Variants in DMD observed in about 807,000 individuals in gnomAD.
DMD encodes dystrophin.
DMD carries 63 observed loss-of-function variants against 330.1 expected under a neutral mutation model. The ratio of observed to expected loss-of-function variants is 0.19; its 90% CI spans 0.16 to 0.24. DMD has a LOEUF of 0.24. DMD is among the 10% of genes least tolerant of loss of function. The probability of loss-of-function intolerance (pLI) is 1.00; values close to 1 mark genes in which losing one functional copy is unlikely to be tolerated. For missense variants in DMD, 3,344 were observed against 2,684.1 expected (o/e 1.25, Z -5.43); for synonymous variants, 1,223 against 959.8 (o/e 1.27, Z -5.07).
chrX:32,811,308 C>T (rs770656657), intron 6 of DMD, among the ~76,000 whole-genome samples: 1 of 110,912 alleles, frequency 9.0e-6, no homozygotes, highest in African/African-American at 3.3e-5. Context: ...CACTGCACTC[C>T]AGCCTGGGTG....
At chrX:32,091,199 T>G (rs2096472070) in intron 44 of DMD, among the ~76,000 whole-genome samples, 1 of 112,046 alleles carries the variant, frequency 8.9e-6, no homozygotes, top group South Asian at 3.7e-4. Flanking sequence ...GAAAAGCTGA[T>G]TTTCTTCGAT....
chrX:31,172,704 A>C (rs2040118034), intron 72 of DMD, among the ~76,000 whole-genome samples: 1 of 111,817 alleles, frequency 8.9e-6, no homozygotes, highest in Non-Finnish European at 1.9e-5. Context: ...TGTTTTCAGA[A>C]GAAAAGCTTC....
At chrX:32,249,961 T>A (rs1281913492) in intron 43 of DMD, among the ~76,000 whole-genome samples, 1 of 106,898 alleles carries the variant, frequency 9.4e-6, no homozygotes, top group Admixed American at 1.0e-4. Flanking sequence ...CATTTTCTGA[T>A]TAAAACTATT....
At chrX:33,295,115 CT>C (rs1039224485) in intron 1 of DMD, among the ~76,000 whole-genome samples, 3 of 111,169 alleles carry the variant, frequency 2.7e-5, no homozygotes, top group South Asian at 7.5e-4. Flanking sequence ...AAACATAGCC[CT>C]TGTTAAAATT....
intron 1 of DMD, among the ~76,000 whole-genome samples, chrX:33,123,002 G>A (rs528557136): frequency 1.6e-3 from 185 of 112,422 alleles, no homozygotes; most frequent in African/African-American, 5.8e-3. Flanking sequence ...ATATACCGCA[G>A]TGGTCCCATT....
rs759381892 is a variant in DMD, at chrX:31,627,688, C to A, written c.8202G>T (p.Leu2734=). The change falls in exon 55 of 79, where the codon CTG becomes CTT. Residue 2734 remains leucine (L), a synonymous_variant. Coordinates refer to ENST00000357033, the MANE Select transcript of DMD (RefSeq NM_004006.3). ...CCTGACTTACTTGCCATTGTTTCATCAGCTCTTTTACTCCCTTGGAGTCTT... is the reference window on the plus strand; with the variant it reads ...CCTGACTTACTTGCCATTGTTTCATAAGCTCTTTTACTCCCTTGGAGTCTT... The part of the protein sequence containing the change: ...LLEDSKGVKE[L]MKQWQDLQGE... 1 of 1,211,359 alleles carries A rather than the reference C, an allele frequency of 8.3e-7. No homozygotes were observed. Among genetic ancestry groups the A allele is most frequent in the Non-Finnish European group, 1.1e-6 (1 of 895,348 alleles).
intron 2 of DMD, among the ~76,000 whole-genome samples, chrX:32,976,178 G>A (rs1257623372): frequency 1.9e-5 from 2 of 105,650 alleles, no homozygotes; most frequent in African/African-American, 7.0e-5. Context: ...TTGAGATCGC[G>A]CCTCTGCACT....
At chrX:32,811,471 T>A (rs2077365692) in intron 6 of DMD, among the ~76,000 whole-genome samples, 2 of 112,341 alleles carry the variant, frequency 1.8e-5, no homozygotes, top group South Asian at 7.3e-4. Flanking sequence ...TTAATTAAAT[T>A]TCTCTGTGTA....
chrX:32,780,658 T>G (rs921219717), intron 7 of DMD, among the ~76,000 whole-genome samples: 2 of 111,668 alleles, frequency 1.8e-5, no homozygotes, highest in Non-Finnish European at 3.8e-5. Context: ...TCATTGCTTG[T>G]TAATGTTAAT....
At chrX:31,835,665 G>A (rs1277321922) in intron 49 of DMD, among the ~76,000 whole-genome samples, 1 of 111,678 alleles carries the variant, frequency 9.0e-6, no homozygotes, top group Non-Finnish European at 1.9e-5. Context: ...CTAAGGAAAA[G>A]TCTCTTGTAA....
chrX:31,680,216 C>T (rs1300751719), intron 52 of DMD, among the ~76,000 whole-genome samples: 1 of 111,609 alleles, frequency 9.0e-6, no homozygotes, highest in Non-Finnish European at 1.9e-5. Context: ...GATAATGCAC[C>T]ACTCTTTACT....
chrX:33,261,640 AC>A (rs2052958014), intron 1 of DMD, among the ~76,000 whole-genome samples: 1 of 107,569 alleles, frequency 9.3e-6, no homozygotes, highest in African/African-American at 3.4e-5. Context: ...ACACACACAC[AC>A]ACACACACAC....
intron 52 of DMD, among the ~76,000 whole-genome samples, chrX:31,729,426 T>TA (rs2086329018): frequency 8.9e-6 from 1 of 112,606 alleles, no homozygotes. Flanking sequence ...TGAATTGATT[T>TA]AAAAATGTAT....
chrX:32,858,444 C>T (rs1265731081), intron 2 of DMD, among the ~76,000 whole-genome samples: 3 of 111,999 alleles, frequency 2.7e-5, no homozygotes, highest in Non-Finnish European at 5.6e-5. Context: ...ATTCTCCTGC[C>T]TCAGCCTCCC....
chrX:32,220,656 AT>A (rs2097129037), intron 43 of DMD, among the ~76,000 whole-genome samples: 1 of 110,595 alleles, frequency 9.0e-6, no homozygotes, highest in Non-Finnish European at 1.9e-5. Context: ...ATATATATAT[AT>A]TTTTTCTGGT....
intron 1 of DMD, among the ~76,000 whole-genome samples, chrX:33,020,668 C>T (rs1569550005): frequency 9.0e-6 from 1 of 111,434 alleles, no homozygotes; most frequent in African/African-American, 3.3e-5. Context: ...AGCAAGATCC[C>T]GCCTCAGATT....
rs766401359 is a variant in DMD at position 31,190,356 on chromosome X, C to A, written c.9808-7452G>T. 6.4e-5 allele frequency among the ~76,000 whole-genome samples: 7 copies of A among 109,313 alleles called. No individual in the cohort carries two copies. The East Asian group carries it at 2.0e-3, about 32-fold the overall frequency. The allele number at this position is 109,313 out of a possible 115,157, so 94.9% of individuals were successfully genotyped here. On this transcript the variant is annotated intron_variant, in intron 67 of 78. Transcript: ENST00000357033. ...GGTGTCAGTTTATTAGTGGGGATGC[C>A]ATTACTGGGCAGATGTTCTTTTGAG...
At chrX:31,278,280 TTTCTCTAGACTAGGA>T (rs2052343178) in intron 62 of DMD, among the ~76,000 whole-genome samples, 1 of 111,780 alleles carries the variant, frequency 8.9e-6, no homozygotes, top group Non-Finnish European at 1.9e-5. Flanking sequence ...ATCATTATAA[TTTCTCTAGACTAGGA>T]TTTGGAAAGA....
At chrX:31,589,639 A>T (rs1357718821) in intron 55 of DMD, among the ~76,000 whole-genome samples, 1 of 111,783 alleles carries the variant, frequency 8.9e-6, no homozygotes, top group African/African-American at 3.2e-5. Context: ...CTAGATTGAC[A>T]TTTATTGACC....
Sources: gnomAD v4.1 joint callset for allele counts (sites outside exome capture counted in the v4.1 genomes callset) on GRCh38, gnomAD v4.1.1 for gene constraint, MANE v1.5 for transcripts, NCBI Gene and HGNC (gene_info 2026-07-23, HGNC 2026-07-21) for gene names.